The following PCDH15 variants were observed in gnomAD, a reference collection of about 807,000 sequenced individuals.
PCDH15 encodes the protein protocadherin-15.
Under a neutral mutation model 178.5 loss-of-function variants are expected in PCDH15, and 129 were observed. That is an observed-to-expected ratio of 0.72 (90% CI 0.63 to 0.84). PCDH15 has a LOEUF of 0.84. Ranked by LOEUF, PCDH15 falls within the 40% of genes least tolerant of loss-of-function variation. The pLI is 0.00. For synonymous variants in PCDH15, 800 were observed against 732.0 expected, an observed-to-expected ratio of 1.09 and a Z score of -1.50; for missense variants, 2,230 against 2,099.9, an observed-to-expected ratio of 1.06 and a Z score of -1.21.
At chr10:54,287,414 A>G (rs1346395970) in intron 8 of PCDH15, among the ~76,000 whole-genome samples, 1 of 152,156 alleles carries the variant, frequency 6.6e-6, no homozygotes, top group African/African-American at 2.4e-5. Flanking sequence ...ACATTTCTTT[A>G]AAAATGTGTT....
intron 3 of PCDH15, among the ~76,000 whole-genome samples, chr10:54,860,067 A>G (rs980991391): frequency 6.6e-6 from 1 of 152,094 alleles, no homozygotes; most frequent in Non-Finnish European, 1.5e-5. Context: ...GGAATAATAT[A>G]TATCTACATG....
Position 55,588,680 on chromosome 10 carries a change from G to GA in PCDH15, c.-156+38944dup, listed in dbSNP as rs146447403. Among the ~76,000 whole-genome samples the GA allele has an allele frequency of 1.3e-3, 191 of 148,494 alleles. 1 individual carries two copies. The highest frequency in any genetic ancestry group is 7.9e-3 in the South Asian group (37 of 4,704). ...AAACCTTTGCTCTATTATCATTTCT[G>GA]AAAAAAAAAATTGTAAAACTAAGAA... On this transcript the variant is annotated intron_variant, in intron 2 of 5. Coordinates refer to the PCDH15 transcript ENST00000613346.
At chr10:53,897,089 G>T (rs562514141) in intron 26 of PCDH15, among the ~76,000 whole-genome samples, 1 of 152,082 alleles carries the variant, frequency 6.6e-6, no homozygotes, top group African/African-American at 2.4e-5. Context: ...GTTGGGGACC[G>T]CTGGTGTAGG....
At chr10:55,046,494 G>T (rs1202669142) in intron 2 of PCDH15, among the ~76,000 whole-genome samples, 1 of 151,638 alleles carries the variant, frequency 6.6e-6, no homozygotes. Context: ...TCTAAAGGAG[G>T]GACTCAACCC....
intron 1 of PCDH15, among the ~76,000 whole-genome samples, chr10:55,182,504 C>G (rs1839677501): frequency 6.6e-6 from 1 of 151,964 alleles, no homozygotes; most frequent in Non-Finnish European, 1.5e-5. Flanking sequence ...TCAACTTGGA[C>G]AGGTTACTTT....
At chr10:54,144,912 G>A (rs866858044) in intron 14 of PCDH15, among the ~76,000 whole-genome samples, 2 of 151,938 alleles carry the variant, frequency 1.3e-5, no homozygotes, top group African/African-American at 4.8e-5. Flanking sequence ...TTCTCCCTAC[G>A]TCCTACAAGA....
intron 2 of PCDH15, among the ~76,000 whole-genome samples, chr10:54,907,385 A>G (rs995781280): frequency 6.6e-6 from 1 of 152,186 alleles, no homozygotes; most frequent in East Asian, 1.9e-4. Context: ...CTTCCTCTGG[A>G]TACACTATAA....
intron 2 of PCDH15, among the ~76,000 whole-genome samples, chr10:55,060,814 A>G (rs1386923103): frequency 6.6e-6 from 1 of 152,080 alleles, no homozygotes; most frequent in Non-Finnish European, 1.5e-5. Flanking sequence ...AAAACAATAC[A>G]ATGAAGAAGT....
rs1018858361 is a variant in PCDH15, at chr10:54,094,137, T to C, written c.1918-4074A>G. On this transcript the variant is annotated intron_variant, in intron 15 of 37. Coordinates refer to ENST00000644397, the MANE Select transcript of PCDH15 (RefSeq NM_001384140.1). ...CTCAAGTACAAAATGAGAATACTACTACTACTACTTAATCACTCATTAATT... is the reference window on the plus strand; with the variant it reads ...CTCAAGTACAAAATGAGAATACTACCACTACTACTTAATCACTCATTAATT... Among the ~76,000 whole-genome samples, 4 of 152,150 alleles carry C rather than the reference T, an allele frequency of 2.6e-5. No individual in the cohort carries two copies. The East Asian group carries it at 5.8e-4, about 22-fold the overall frequency.
chr10:54,829,511 G>C (rs776245588), intron 3 of PCDH15, among the ~76,000 whole-genome samples: 2 of 151,992 alleles, frequency 1.3e-5, no homozygotes, highest in Non-Finnish European at 2.9e-5. Context: ...TGGTTATTCA[G>C]TGAATAGTTT....
Position 53,809,033 on chromosome 10 carries a change from C to A in PCDH15, c.4671+1523G>T, listed in dbSNP as rs755005336. The A allele has an allele frequency of 8.7e-6, 14 of 1,602,842 alleles. No homozygotes were observed. The Admixed American group carries it at 2.4e-4, about 28-fold the overall frequency. On this transcript the variant is annotated intron_variant, in intron 37 of 37. Coordinates refer to ENST00000644397, the MANE Select transcript of PCDH15 (RefSeq NM_001384140.1). ...GGCTCCTCTTTCCTACCCTTGACTT[C>A]CTTGACCTCCTCAACCATGGGCCTT...
intron 3 of PCDH15, among the ~76,000 whole-genome samples, chr10:54,854,381 T>C (rs1953697434): frequency 6.6e-6 from 1 of 152,190 alleles, no homozygotes; most frequent in Non-Finnish European, 1.5e-5. Context: ...TACAGTTATT[T>C]TAGCCTCCTT....
intron 29 of PCDH15, among the ~76,000 whole-genome samples, 183 bp downstream of exon 29, chr10:53,840,137 C>A (rs1171540737): frequency 6.6e-6 from 1 of 151,598 alleles, no homozygotes; most frequent in East Asian, 2.0e-4. Context: ...CACTGTAGCC[C>A]ACACTTAGAC....
chr10:53,902,351 T>G lies in PCDH15; in HGVS notation c.3501+892A>C, dbSNP rs537236300. ...CACGTAAGAAGAGCTCTAATCATGGTGCTCCTGGTAATAGGAAAAGAAAGG... is the reference window on the plus strand; with the variant it reads ...CACGTAAGAAGAGCTCTAATCATGGGGCTCCTGGTAATAGGAAAAGAAAGG... On this transcript the variant is annotated intron_variant, in intron 26 of 37. Transcript: ENST00000644397. 2.6e-5 allele frequency among the ~76,000 whole-genome samples: 4 copies of G among 152,198 alleles called. No individual in the cohort carries two copies. In the East Asian group the frequency reaches 7.7e-4, roughly 29 times the overall value.
intron 2 of PCDH15, among the ~76,000 whole-genome samples, chr10:55,127,235 C>T (rs769190454): frequency 6.6e-6 from 1 of 152,092 alleles, no homozygotes; most frequent in Non-Finnish European, 1.5e-5. Context: ...AGAAGAGAAT[C>T]TCTGGCCAAT....
At chr10:54,455,358 G>C (rs544266573) in intron 3 of PCDH15, among the ~76,000 whole-genome samples, 1 of 152,148 alleles carries the variant, frequency 6.6e-6, no homozygotes, top group Non-Finnish European at 1.5e-5. Context: ...GAAGAAGACA[G>C]GAAGATTTGG....
intron 2 of PCDH15, among the ~76,000 whole-genome samples, chr10:54,540,233 A>G (rs992885994): frequency 2.0e-5 from 3 of 152,172 alleles, no homozygotes; most frequent in Non-Finnish European, 4.4e-5. Context: ...GAAAGGACGA[A>G]TAAGATCTAT....
At chr10:53,992,471 C>T (rs11003973) in intron 21 of PCDH15, among the ~76,000 whole-genome samples, 12,581 of 152,098 alleles carry the variant, frequency 0.083, 1,500 homozygotes, top group African/African-American at 0.26. Context: ...AGGAATGGTA[C>T]AAATAATGCT....
At chr10:55,526,580 G>A (rs1841306038) in intron 2 of PCDH15, among the ~76,000 whole-genome samples, 1 of 151,870 alleles carries the variant, frequency 6.6e-6, no homozygotes, top group Non-Finnish European at 1.5e-5. Context: ...TTATACATGA[G>A]TGCTTTCCAT....
Sources: gnomAD v4.1 joint callset for allele counts (sites outside exome capture counted in the v4.1 genomes callset) on GRCh38, gnomAD v4.1.1 for gene constraint, MANE v1.5 for transcripts, NCBI Gene and HGNC (gene_info 2026-07-23, HGNC 2026-07-21) for gene names.